Variants in DPP10 observed in about 807,000 individuals in gnomAD.
DPP10 encodes the protein dipeptidyl peptidase like 10, also known as inactive dipeptidyl peptidase 10.
In DPP10, 33 loss-of-function variants were observed where a neutral mutation model predicts 120.9. The observed-to-expected ratio is 0.27, with a 90% CI of 0.21 to 0.37. DPP10 has a LOEUF of 0.37. Among genes scored for constraint, DPP10 ranks in the 10% least tolerant of loss-of-function variants. DPP10 has a pLI of 1.00. For synonymous variants in DPP10, 337 were observed against 326.1 expected (o/e 1.03, Z -0.36); for missense variants, 816 against 942.8 (o/e 0.87, Z 1.76).
intron 4 of DPP10, among the ~76,000 whole-genome samples, chr2:115,508,261 T>C (rs1347126512): frequency 1.3e-5 from 2 of 152,130 alleles, no homozygotes; most frequent in African/African-American, 4.8e-5. Context: ...TTGCCTATGA[T>C]TATTTGATTC....
rs1436877799 is a variant in DPP10 at position 115,341,115 on chromosome 2, A to G, written c.176-2702A>G. On this transcript the variant is annotated intron_variant, in intron 2 of 25. Coordinates refer to ENST00000410059, the MANE Select transcript of DPP10 (RefSeq NM_020868.6). ...TAAAATCCCATACTTTTATGATGGAAGCTGAATTCTGGAATTAAGATATTT... is the reference window on the plus strand; with the variant it reads ...TAAAATCCCATACTTTTATGATGGAGGCTGAATTCTGGAATTAAGATATTT... Among the ~76,000 whole-genome samples the G allele has an allele frequency of 8.5e-5, 13 of 152,304 alleles. No homozygotes were observed. The South Asian group carries it at 2.7e-3, about 32-fold the overall frequency.
intron 2 of DPP10, among the ~76,000 whole-genome samples, chr2:115,332,255 G>A (rs2062794584): frequency 6.6e-6 from 1 of 152,066 alleles, no homozygotes; most frequent in Non-Finnish European, 1.5e-5. Context: ...GTATTTCTGT[G>A]GGATCAGTGG....
chr2:114,792,599 C>T (rs771088878), intron 1 of DPP10, among the ~76,000 whole-genome samples: 6 of 152,184 alleles, frequency 3.9e-5, no homozygotes, highest in Non-Finnish European at 7.3e-5. Flanking sequence ...TGCCTCATTG[C>T]ACCTAAACTG....
chr2:114,640,562 A>C (rs1165998087), intron 1 of DPP10, among the ~76,000 whole-genome samples: 1 of 151,708 alleles, frequency 6.6e-6, no homozygotes, highest in East Asian at 1.9e-4. Flanking sequence ...AGCCTCCCCT[A>C]AGGCTCTAGC....
At chr2:115,412,526 T>C (rs2069034613) in intron 3 of DPP10, among the ~76,000 whole-genome samples, 1 of 152,362 alleles carries the variant, frequency 6.6e-6, no homozygotes, top group Non-Finnish European at 1.5e-5. Context: ...TTCTTCACAA[T>C]GAGACTTTTC....
At chr2:115,627,774 G>A (rs865897714) in intron 5 of DPP10, among the ~76,000 whole-genome samples, 11 of 152,052 alleles carry the variant, frequency 7.2e-5, no homozygotes, top group Admixed American at 5.2e-4. Flanking sequence ...ATGAGAAGAG[G>A]CAGTGTTTTG....
chr2:115,428,956 C>T (rs2070730378), intron 3 of DPP10, among the ~76,000 whole-genome samples: 1 of 151,938 alleles, frequency 6.6e-6, no homozygotes, highest in South Asian at 2.1e-4. Flanking sequence ...ACAGTGATTA[C>T]ATTTCTAGAT....
chr2:115,236,309 T>C (rs565949242), intron 1 of DPP10, among the ~76,000 whole-genome samples: 1 of 152,340 alleles, frequency 6.6e-6, no homozygotes, highest in East Asian at 1.9e-4. Flanking sequence ...ATGGACATAG[T>C]TGTCAGGCAA....
intron 3 of DPP10, among the ~76,000 whole-genome samples, chr2:115,402,521 A>C (rs1367957326): frequency 6.6e-6 from 1 of 152,086 alleles, no homozygotes; most frequent in Non-Finnish European, 1.5e-5. Flanking sequence ...ATTACACACC[A>C]GTACATTGGA....
intron 5 of DPP10, among the ~76,000 whole-genome samples, chr2:115,544,280 T>G (rs949468055): frequency 2.6e-5 from 4 of 152,124 alleles, no homozygotes; most frequent in African/African-American, 9.7e-5. Context: ...GCTGTTGTTA[T>G]AGTTTTAATT....
At chr2:114,750,234 A>G (rs1408570665) in intron 1 of DPP10, among the ~76,000 whole-genome samples, 1 of 152,036 alleles carries the variant, frequency 6.6e-6, no homozygotes, top group African/African-American at 2.4e-5. Context: ...ATGCAATGGC[A>G]CCAGAATTTT....
chr2:115,590,544 C>T (rs1194810286), intron 5 of DPP10, among the ~76,000 whole-genome samples: 1 of 152,216 alleles, frequency 6.6e-6, no homozygotes, highest in African/African-American at 2.4e-5. Flanking sequence ...ATATGTGCCA[C>T]ATTTTCTTAA....
intron 3 of DPP10, among the ~76,000 whole-genome samples, chr2:115,486,764 A>G (rs1056064529): frequency 2.0e-5 from 3 of 152,154 alleles, no homozygotes; most frequent in Admixed American, 6.6e-5. Context: ...CTCTTATGCT[A>G]TCTTTTTGCA....
intron 1 of DPP10, among the ~76,000 whole-genome samples, chr2:114,534,780 G>A (rs891718976): frequency 6.6e-6 from 1 of 151,946 alleles, no homozygotes; most frequent in Non-Finnish European, 1.5e-5. Context: ...TGGAGTTGAA[G>A]AGAATGGCAA....
At chr2:114,990,566 C>T (rs942624675) in intron 1 of DPP10, among the ~76,000 whole-genome samples, 12 of 151,852 alleles carry the variant, frequency 7.9e-5, no homozygotes, top group Admixed American at 7.2e-4. Flanking sequence ...CTTTATTATT[C>T]TACATTTAAT....
At chr2:114,447,702 G>A (rs574834266) in intron 1 of DPP10, among the ~76,000 whole-genome samples, 2 of 152,194 alleles carry the variant, frequency 1.3e-5, no homozygotes, top group Admixed American at 6.5e-5. Context: ...AGTTACCACT[G>A]GTAACTCTAC....
chr2:115,132,506 T>C (rs1198569866), intron 1 of DPP10, among the ~76,000 whole-genome samples: 1 of 152,216 alleles, frequency 6.6e-6, no homozygotes, highest in Non-Finnish European at 1.5e-5. Context: ...ATGTGCTTTC[T>C]GTCATTTCTG....
chr2:115,662,202 C>CT (rs1419596767), intron 5 of DPP10, among the ~76,000 whole-genome samples: 2 of 152,120 alleles, frequency 1.3e-5, no homozygotes, highest in Admixed American at 6.6e-5. Context: ...TTATGTTCTT[C>CT]TTTTTTAAAA....
intron 1 of DPP10, among the ~76,000 whole-genome samples, chr2:115,099,335 G>A (rs2048568745): frequency 6.6e-6 from 1 of 151,836 alleles, no homozygotes; most frequent in African/African-American, 2.4e-5. Context: ...AGAATCACCA[G>A]GTTTATTATA....
Sources: gnomAD v4.1 joint callset for allele counts (sites outside exome capture counted in the v4.1 genomes callset) on GRCh38, gnomAD v4.1.1 for gene constraint, MANE v1.5 for transcripts, NCBI Gene and HGNC (gene_info 2026-07-23, HGNC 2026-07-21) for gene names.